RFX3: variants seen among roughly 807,000 people sequenced by gnomAD.
The protein encoded by RFX3 is transcription factor RFX3.
Under a neutral mutation model 98.6 loss-of-function variants are expected in RFX3, and 14 were observed. The ratio of observed to expected loss-of-function variants is 0.14; its 90% confidence interval spans 0.09 to 0.22. The LOEUF (loss-of-function observed/expected upper bound fraction) is 0.22, where lower values mean the gene tolerates loss of function less well. RFX3 is among the 10% of genes least tolerant of loss of function. The pLI, the probability that RFX3 is intolerant of heterozygous loss-of-function variation, is 1.00. For synonymous variants in RFX3, 383 were observed against 328.4 expected, an observed-to-expected ratio of 1.17 and a Z score of -1.80; for missense variants, 639 against 926.9, an observed-to-expected ratio of 0.69 and a Z score of 4.03.
rs1368421291 is a variant in RFX3, at chr9:3,473,025, T to C, written c.-9+52722A>G. ...AATAATTAAAACACTCATTAAAAAA[T>C]AGCTCAATCAAAACTCCATCTAGAA... On this transcript the variant is annotated intron_variant, in intron 1 of 16. Transcript: ENST00000617270. 2.0e-5 allele frequency among the ~76,000 whole-genome samples: 3 copies of C among 152,148 alleles called. 1 individual carries two copies. The highest frequency in any genetic ancestry group is 2.1e-4 in the South Asian group (1 of 4,826).
chr9:3,306,185 T>C (rs1353620515), intron 4 of RFX3, among the ~76,000 whole-genome samples: 1 of 152,062 alleles, frequency 6.6e-6, no homozygotes, highest in Middle Eastern at 3.2e-3. Flanking sequence ...GGCCCAAGTG[T>C]TCAATGTGAT....
At chr9:3,288,287 C>T (rs1399881049) in intron 6 of RFX3, 37 bp from the exon 7 acceptor site, 2 of 1,597,216 alleles carry the variant, frequency 1.3e-6, no homozygotes, top group East Asian at 2.2e-5. Flanking sequence ...AAACAAAAGT[C>T]AGTCAAACTA....
intron 1 of RFX3, among the ~76,000 whole-genome samples, chr9:3,492,068 C>T (rs1382862682): frequency 6.6e-6 from 1 of 152,168 alleles, no homozygotes. Flanking sequence ...AATATCTACT[C>T]TGCCCTTCAA....
At chr9:3,481,055 CACTA>C (rs1390949051) in intron 1 of RFX3, among the ~76,000 whole-genome samples, 2 of 152,076 alleles carry the variant, frequency 1.3e-5, no homozygotes, top group African/African-American at 4.8e-5. Flanking sequence ...AGAATAATAA[CACTA>C]ACTACAATTT....
chr9:3,260,035 TG>T (rs1200803952), intron 13 of RFX3, among the ~76,000 whole-genome samples: 1 of 151,970 alleles, frequency 6.6e-6, no homozygotes. Context: ...TGGGAAAATC[TG>T]GCAAAACTAG....
rs1049849239 is a variant in RFX3 at position 3,221,699 on chromosome 9, C to T, written c.*3343G>A. The T allele has an allele frequency of 6.6e-6, 1 of 152,130 alleles. No homozygotes were observed. The highest frequency in any genetic ancestry group is 2.4e-5 in the African/African-American group (1 of 41,434). 9.4% of individuals were successfully genotyped at this position (152,130 alleles called of 1,614,324 possible). A position where few individuals can be genotyped will look rare whatever the true frequency, so the allele number is the denominator to read the frequency against. On this transcript the variant is annotated 3_prime_UTR_variant, in exon 17 of 17. Transcript: ENST00000617270. ...CCTGTCTTCCAAGGAGATGGTTCAT[C>T]CATTCCACCCTATTGTTCACTGGTT...
At chr9:3,468,490 A>G (rs1848500840) in intron 1 of RFX3, among the ~76,000 whole-genome samples, 1 of 152,202 alleles carries the variant, frequency 6.6e-6, no homozygotes, top group Non-Finnish European at 1.5e-5. Context: ...TATTTCTTGT[A>G]GAGAGAAACT....
At chr9:3,364,351 C>CTGTT (rs1563989443) in intron 2 of RFX3, 1 of 186,666 alleles carries the variant, frequency 5.4e-6, no homozygotes, top group African/African-American at 2.4e-5. Flanking sequence ...TTTAACAAGA[C>CTGTT]TGTTTGTCTG....
chr9:3,440,637 T>A (rs1018595632), intron 1 of RFX3, among the ~76,000 whole-genome samples: 2 of 152,196 alleles, frequency 1.3e-5, no homozygotes, highest in African/African-American at 4.8e-5. Context: ...TGACCCAATA[T>A]TGTTAACATG....
chr9:3,220,056 AGCATCT>A lies in RFX3; in HGVS notation c.*4980_*4985del, dbSNP rs1253919909. On this transcript the variant is annotated 3_prime_UTR_variant, in exon 17 of 17. Transcript: ENST00000617270. ...TAGAGATATCAGAAGCAGTAGTCATAGCATCTCCTGACAGATGAGCTTAAAATCAAG... is the reference window on the plus strand; with the variant it reads ...TAGAGATATCAGAAGCAGTAGTCATACCTGACAGATGAGCTTAAAATCAAG... 112 of 152,338 alleles carry A rather than the reference AGCATCT, an allele frequency of 7.4e-4. No individual in the cohort carries two copies. Among genetic ancestry groups the A allele is most frequent in the African/African-American group, 2.7e-3 (112 of 41,582 alleles). 9.4% of individuals were successfully genotyped at this position (152,338 alleles called of 1,614,324 possible).
chr9:3,446,807 C>A (rs1287023241), intron 1 of RFX3, among the ~76,000 whole-genome samples: 1 of 151,960 alleles, frequency 6.6e-6, no homozygotes, highest in Non-Finnish European at 1.5e-5. Flanking sequence ...CTCACACAGA[C>A]TTAAAATGGA....
intron 1 of RFX3, among the ~76,000 whole-genome samples, chr9:3,396,786 C>T (rs541641265): frequency 1.1e-4 from 17 of 152,020 alleles, no homozygotes; most frequent in Non-Finnish European, 1.6e-4. Context: ...TTTCTCTGAT[C>T]GCCAGTGATG....
intron 1 of RFX3, among the ~76,000 whole-genome samples, chr9:3,454,948 CTTCA>C (rs1312414498): frequency 6.6e-6 from 1 of 152,146 alleles, no homozygotes; most frequent in Non-Finnish European, 1.5e-5. Flanking sequence ...CTAAATGTAT[CTTCA>C]TTGTCTCCCA....
intron 1 of RFX3, among the ~76,000 whole-genome samples, chr9:3,451,830 A>C (rs1309469092): frequency 6.6e-6 from 1 of 151,802 alleles, no homozygotes; most frequent in Non-Finnish European, 1.5e-5. Context: ...ATGTATTTTA[A>C]AAGTTTTTTT....
At chr9:3,323,505 T>G (rs532877769) in intron 4 of RFX3, among the ~76,000 whole-genome samples, 1 of 152,268 alleles carries the variant, frequency 6.6e-6, no homozygotes, top group South Asian at 2.1e-4. Context: ...ACGTGAAACT[T>G]GACTTGTAAA....
At position 3,307,338 on chromosome 9, in the gene RFX3, G is replaced by A. The variant is rs554977205; in HGVS notation, c.475-5718C>T. 2.6e-5 allele frequency among the ~76,000 whole-genome samples: 4 copies of A among 152,132 alleles called. 1 individual carries two copies. The highest frequency in any genetic ancestry group is 5.9e-5 in the Non-Finnish European group (4 of 67,996). On this transcript the variant is annotated intron_variant, in intron 4 of 16. Transcript: ENST00000617270. ...AGGAGTGTTCAATTATATAGGATGTGGGCCACTGTTAAAAAGTCTTGAGAA... is the reference window on the plus strand; with the variant it reads ...AGGAGTGTTCAATTATATAGGATGTAGGCCACTGTTAAAAAGTCTTGAGAA...
At chr9:3,430,040 A>G (rs1038413970) in intron 1 of RFX3, among the ~76,000 whole-genome samples, 4 of 152,216 alleles carry the variant, frequency 2.6e-5, no homozygotes, top group Non-Finnish European at 5.9e-5. Flanking sequence ...TATCAGTCAT[A>G]GCTGTTCAAG....
At chr9:3,349,780 AAACTT>A (rs990424517) in intron 2 of RFX3, among the ~76,000 whole-genome samples, 2 of 152,108 alleles carry the variant, frequency 1.3e-5, no homozygotes, top group East Asian at 3.8e-4. Flanking sequence ...CTTGCTTCTT[AAACTT>A]AACAATATAG....
chr9:3,518,976 A>G (rs556001099), intron 1 of RFX3, among the ~76,000 whole-genome samples: 64 of 152,332 alleles, frequency 4.2e-4, no homozygotes, highest in Middle Eastern at 3.4e-3. Context: ...ATCTTTACAC[A>G]ACTGACTAGA....
Sources: gnomAD v4.1 joint callset for allele counts (sites outside exome capture counted in the v4.1 genomes callset) on GRCh38, gnomAD v4.1.1 for gene constraint, MANE v1.5 for transcripts, NCBI Gene and HGNC (gene_info 2026-07-23, HGNC 2026-07-21) for gene names.